HERC1: variants seen among roughly 807,000 people sequenced by gnomAD.
The protein encoded by HERC1 is probable E3 ubiquitin-protein ligase HERC1.
A neutral mutation model predicts 554.3 loss-of-function variants in HERC1; 160 were observed. That is an observed-to-expected ratio of 0.29 (90% CI 0.25 to 0.33). The LOEUF is 0.33. Among genes scored for constraint, HERC1 ranks in the 10% least tolerant of loss-of-function variants. The pLI, the probability that HERC1 is intolerant of heterozygous loss-of-function variation, is 1.00. For missense variants in HERC1, 4,919 were observed against 5,918.5 expected, an observed-to-expected ratio of 0.83 and a Z score of 5.54; for synonymous variants, 2,175 against 2,131.7, an observed-to-expected ratio of 1.02 and a Z score of -0.56.
At chr15:63,630,443 C>A (rs1311567856) in intron 69 of HERC1, 23 bp downstream of exon 69, 6 of 1,598,024 alleles carry the variant, frequency 3.8e-6, no homozygotes, top group Non-Finnish European at 5.1e-6. Context: ...TATGAGAAAG[C>A]AGCAAGCAAT....
At position 63,734,831 on chromosome 15, in the gene HERC1, A is replaced by C. The variant is rs1319259749; in HGVS notation, c.2539T>G (p.Ser847Ala). 6.2e-7 allele frequency: 1 copy of C among 1,610,850 alleles called. No individual in the cohort carries two copies. Among genetic ancestry groups the C allele is most frequent in the Non-Finnish European group, 8.5e-7 (1 of 1,178,558 alleles). The change falls in exon 13 of 78, where the codon TCA (serine) becomes GCA (alanine). Residue 847 changes from serine (S) to alanine (A), a missense_variant. Ser to Ala is a moderately conservative substitution (Grantham distance 99). Around this residue, in one of 11 missense-constraint regions of HERC1, gnomAD observed 744 missense variants for 1,090.0 expected, o/e 0.68. Transcript: ENST00000443617. The surrounding 1 kb of genome is among the most constrained non-coding windows in gnomAD (Gnocchi z 4.6). ...EIQEVVIETL[S>A]VGATMLLPPL... ...GGTAACAGCATGGTTGCTCCCACTG[A>C]TAAAGTTTCAATTACCACCTAATAT...
Position 63,716,440 on chromosome 15 carries a change from G to C in HERC1, c.4012C>G (p.Pro1338Ala), listed in dbSNP as rs1425549652. 6 of 1,613,378 alleles carry C rather than the reference G, an allele frequency of 3.7e-6. No individual in the cohort carries two copies. Among genetic ancestry groups the C allele is most frequent in the Non-Finnish European group, 5.1e-6 (6 of 1,179,584 alleles). ...GTTCGAGTAAATGAATGCTCCTGAG[G>C]ATCAACATCTGCAGAGTCCTGGTTT... is the stretch of plus-strand genomic sequence containing the variant. ...SENQDSADVD[P>A]QEHSFTRTID... The change falls in exon 22 of 78, where the codon CCT (proline) becomes GCT (alanine). Residue 1338 changes from proline to alanine, a missense_variant. Pro to Ala is a conservative substitution (Grantham distance 27, BLOSUM62 -1). Coordinates refer to ENST00000443617, the MANE Select transcript of HERC1 (RefSeq NM_003922.4).
chr15:63,697,149 G>T (rs984761096), intron 26 of HERC1, among the ~76,000 whole-genome samples: 2 of 152,004 alleles, frequency 1.3e-5, no homozygotes, highest in African/African-American at 2.4e-5. Flanking sequence ...AGACTATTTG[G>T]ATTTTAGTTT....
intron 33 of HERC1, among the ~76,000 whole-genome samples, chr15:63,689,350 G>A (rs189117315): frequency 1.3e-5 from 2 of 152,256 alleles, no homozygotes; most frequent in Admixed American, 6.5e-5. Flanking sequence ...TAGTACTACA[G>A]GACAAGAGAG....
Position 63,775,620 on chromosome 15 carries a change from C to T in HERC1, c.4G>A (p.Ala2Thr), listed in dbSNP as rs1410607789. The T allele has an allele frequency of 5.7e-6, 9 of 1,589,510 alleles. No individual in the cohort carries two copies. The highest frequency in any genetic ancestry group is 7.7e-6 in the Non-Finnish European group (9 of 1,169,360). M[A>T]TMIPPVKLKW... ...AGCTTCACTGGTGGAATCATAGTTG[C>T]CATGTTGATTTATCCTTCAGCCATT... is the stretch of plus-strand genomic sequence containing the variant. Residue 2 changes from alanine to threonine, a missense_variant, in exon 2 of 78, where the codon GCA (alanine) becomes ACA (threonine). By Grantham distance (58) the Ala-to-Thr change is moderately conservative (BLOSUM62 0). Around this residue, in one of 11 missense-constraint regions of HERC1, gnomAD observed 110 missense variants for 99.3 expected, o/e 1.11. Coordinates refer to ENST00000443617, the MANE Select transcript of HERC1 (RefSeq NM_003922.4). This position sits in a 1 kb window ranked among gnomAD's most constrained non-coding sequence, Gnocchi z 4.0.
chr15:63,670,766 T>G (rs747335874), intron 39 of HERC1, among the ~76,000 whole-genome samples: 3 of 151,984 alleles, frequency 2.0e-5, no homozygotes, highest in Non-Finnish European at 4.4e-5. Context: ...TATTAGAATG[T>G]CGTATCAGGC....
At chr15:63,827,200 G>T (rs1246103114) in intron 1 of HERC1, among the ~76,000 whole-genome samples, 5 of 152,108 alleles carry the variant, frequency 3.3e-5, no homozygotes, top group Admixed American at 2.0e-4. Flanking sequence ...CAGTGTGAGA[G>T]GATCACTTGA....
chr15:63,779,271 A>C (rs1196335475), intron 1 of HERC1, among the ~76,000 whole-genome samples: 1 of 152,200 alleles, frequency 6.6e-6, no homozygotes, highest in East Asian at 1.9e-4. Flanking sequence ...GGTACTTGAG[A>C]AAATTAACCC....
intron 19 of HERC1, among the ~76,000 whole-genome samples, chr15:63,720,451 C>G (rs1407698487): frequency 6.6e-6 from 1 of 151,928 alleles, no homozygotes; most frequent in African/African-American, 2.4e-5. Flanking sequence ...AAAACAAAAC[C>G]AACAAAAAAC....
chr15:63,794,560 C>T (rs763892513), intron 1 of HERC1, among the ~76,000 whole-genome samples: 58 of 152,224 alleles, frequency 3.8e-4, no homozygotes, highest in Non-Finnish European at 8.2e-4. Context: ...CAGGCATCAG[C>T]AAATTCATTA....
intron 12 of HERC1, among the ~76,000 whole-genome samples, chr15:63,744,162 GTGTCTCTC>G (rs1403340742): frequency 5.3e-4 from 19 of 35,756 alleles, no homozygotes; most frequent in African/African-American, 9.1e-4. Flanking sequence ...GTGTGTGTGT[GTGTCTCTC>G]TCTCTCTCTC....
chr15:63,701,809 G>A (rs2072735548), intron 25 of HERC1, among the ~76,000 whole-genome samples: 1 of 152,060 alleles, frequency 6.6e-6, no homozygotes, highest in South Asian at 2.1e-4. Context: ...GGAGAGGAAA[G>A]AACTTTAATT....
intron 10 of HERC1, among the ~76,000 whole-genome samples, chr15:63,748,646 T>C (rs936266277): frequency 6.6e-6 from 1 of 152,220 alleles, no homozygotes; most frequent in Non-Finnish European, 1.5e-5. Flanking sequence ...AAATTATTTA[T>C]ATTCAACTTA....
rs117250066 is a variant in HERC1, at chr15:63,728,735, T to C, written c.3154+501A>G. On this transcript the variant is annotated intron_variant, in intron 16 of 77. Coordinates refer to ENST00000443617, the MANE Select transcript of HERC1 (RefSeq NM_003922.4). ...AAGACCATTGGGGGAGCAAAGAGGA[T>C]AGAAGGCAAAATTCGGAGGATCCTC... 8.1e-3 allele frequency among the ~76,000 whole-genome samples: 1,226 copies of C among 151,892 alleles called. 12 individuals carry two copies. The highest frequency in any genetic ancestry group is 0.01 in the African/African-American group (422 of 41,404).
At chr15:63,704,198 T>C (rs2153087347) in intron 25 of HERC1, among the ~76,000 whole-genome samples, 1 of 152,362 alleles carries the variant, frequency 6.6e-6, no homozygotes, top group Non-Finnish European at 1.5e-5. Flanking sequence ...AAATATACAA[T>C]ATTTTTGTAA....
At position 63,645,278 on chromosome 15, in the gene HERC1, C is replaced by A. The variant is rs74020816; in HGVS notation, c.11079-181G>T. On this transcript the variant is annotated intron_variant, in intron 56 of 77. Coordinates refer to ENST00000443617, the MANE Select transcript of HERC1 (RefSeq NM_003922.4). ...GCCAATATTCTAACAACATCACACCCAGAGATAAGGAGATTACATACCAAG... is the reference window on the plus strand; with the variant it reads ...GCCAATATTCTAACAACATCACACCAAGAGATAAGGAGATTACATACCAAG... Among the ~76,000 whole-genome samples, 1,807 of 152,234 alleles carry A rather than the reference C, an allele frequency of 0.012. 31 individuals carry two copies. Among genetic ancestry groups the A allele is most frequent in the African/African-American group, 0.042 (1,737 of 41,524 alleles).
intron 2 of HERC1, among the ~76,000 whole-genome samples, chr15:63,767,748 T>C (rs2075827675): frequency 1.3e-5 from 2 of 152,080 alleles, no homozygotes; most frequent in African/African-American, 4.8e-5. Flanking sequence ...ATCAATGAAA[T>C]GTCAATCACT....
Position 63,692,902 on chromosome 15 carries a change from C to T in HERC1, c.5675-336G>A, listed in dbSNP as rs190022503. ...ATAATCCAGTTCCCAAATATCAGGACAGGCGCAATGGCTCACATCTGTAAT... is the reference window on the plus strand; with the variant it reads ...ATAATCCAGTTCCCAAATATCAGGATAGGCGCAATGGCTCACATCTGTAAT... On this transcript the variant is annotated intron_variant, in intron 30 of 77. Coordinates refer to ENST00000443617, the MANE Select transcript of HERC1 (RefSeq NM_003922.4). This position sits in a 1 kb window ranked among gnomAD's most constrained non-coding sequence, Gnocchi z 4.7. Among the ~76,000 whole-genome samples the T allele has an allele frequency of 6.0e-3, 920 of 152,256 alleles. 9 individuals are homozygous for T. The highest frequency in any genetic ancestry group is 0.021 in the African/African-American group (874 of 41,552).
chr15:63,795,056 ACT>A (rs557717242), intron 1 of HERC1, among the ~76,000 whole-genome samples: 93 of 103,268 alleles, frequency 9.0e-4, no homozygotes, highest in Admixed American at 6.0e-3. Flanking sequence ...ACAGAGCAAG[ACT>A]CTGTCTCAAA....
Sources: allele counts gnomAD v4.1 joint callset (sites outside exome capture counted in the v4.1 genomes callset), GRCh38; gene constraint gnomAD v4.1.1; regional missense constraint gnomAD v4.1.1; non-coding constraint Gnocchi (gnomAD v3.1); transcripts MANE v1.5; gene names NCBI Gene and HGNC (gene_info 2026-07-23, HGNC 2026-07-21).